Variants in CRADD observed in about 807,000 individuals in gnomAD.
CRADD encodes the protein death domain-containing protein CRADD.
CRADD carries 9 observed loss-of-function variants against 15.5 expected under a neutral mutation model. The ratio of observed to expected loss-of-function variants is 0.58; its 90% CI spans 0.35 to 1.01. The LOEUF (loss-of-function observed/expected upper bound fraction) is 1.01, where lower values mean the gene tolerates loss of function less well. CRADD is among the 50% of genes least tolerant of loss of function. The pLI is 0.02. For synonymous variants in CRADD, 118 were observed against 107.6 expected (o/e 1.10, Z -0.60); for missense variants, 227 against 250.3 (o/e 0.91, Z 0.63).
chr12:93,842,119 A>G (rs915443007), intron 2 of CRADD, among the ~76,000 whole-genome samples: 17 of 95,772 alleles, frequency 1.8e-4, no homozygotes, highest in Middle Eastern at 6.1e-3. Context: ...TGTCTGCTGC[A>G]CCTCTTCTTA....
chr12:93,775,072 A>G (rs1486305691), intron 2 of CRADD, among the ~76,000 whole-genome samples: 1 of 152,242 alleles, frequency 6.6e-6, no homozygotes, highest in African/African-American at 2.4e-5. Context: ...GAGAAAAATG[A>G]AAGAAAGAAA....
exon 3 of CRADD, chr12:93,894,721 C>G (rs1206204914): frequency 6.5e-6 from 1 of 153,098 alleles, no homozygotes; most frequent in African/African-American, 2.4e-5. Context: ...CCCCCGCCAG[C>G]TGCCGGCCCG....
chr12:93,835,952 G>T (rs7953146), intron 2 of CRADD, among the ~76,000 whole-genome samples: 35,862 of 151,954 alleles, frequency 0.24, 5,106 homozygotes, highest in African/African-American at 0.4. Flanking sequence ...TTCCTGTCCT[G>T]TTCACTTTTC....
intron 2 of CRADD, among the ~76,000 whole-genome samples, chr12:93,746,078 A>G (rs372194406): frequency 1.3e-5 from 2 of 152,196 alleles, no homozygotes; most frequent in Admixed American, 6.5e-5. Flanking sequence ...ATAAAATTCT[A>G]TATGGGGCTA....
At chr12:93,821,728 A>G (rs1168148218) in intron 2 of CRADD, among the ~76,000 whole-genome samples, 5 of 152,192 alleles carry the variant, frequency 3.3e-5, no homozygotes, top group Non-Finnish European at 7.3e-5. Flanking sequence ...GAAAATCTGG[A>G]CAGCTTTTGA....
At position 93,742,477 on chromosome 12, in the gene CRADD, C is replaced by T. The variant is rs1343580654; in HGVS notation, c.298+63405C>T. ...TGCGGGCCCCGGCTGCCCAGCCCAG[C>T]GCGGGGAGGCGGCGCCGACTGCCGG... On this transcript the variant is annotated intron_variant, in intron 2 of 2. Coordinates refer to ENST00000332896, the MANE Select transcript of CRADD (RefSeq NM_003805.5). Among the ~76,000 whole-genome samples the T allele has an allele frequency of 3.3e-5, 5 of 151,020 alleles. No homozygotes were observed. In the East Asian group the frequency reaches 7.7e-4, roughly 23 times the overall value.
At chr12:93,739,886 G>A (rs1051648200) in intron 2 of CRADD, among the ~76,000 whole-genome samples, 17 of 152,066 alleles carry the variant, frequency 1.1e-4, no homozygotes, top group Admixed American at 9.8e-4. Flanking sequence ...TTGTAAATAT[G>A]CCTCCCATTT....
chr12:93,840,930 T>C (rs1958039921), intron 2 of CRADD, among the ~76,000 whole-genome samples: 1 of 152,164 alleles, frequency 6.6e-6, no homozygotes, highest in Admixed American at 6.5e-5. Context: ...CTTGTCTTTT[T>C]AAAGAGAATA....
At chr12:93,695,290 C>T (rs553334048) in intron 2 of CRADD, among the ~76,000 whole-genome samples, 82 of 152,228 alleles carry the variant, frequency 5.4e-4, no homozygotes, top group Admixed American at 1.2e-3. Flanking sequence ...TCATCTCACA[C>T]CATGTATAAA....
At chr12:93,856,983 T>A (rs1443247120) in intron 2 of CRADD, among the ~76,000 whole-genome samples, 1 of 152,198 alleles carries the variant, frequency 6.6e-6, no homozygotes, top group East Asian at 1.9e-4. Flanking sequence ...CATTTAGTGT[T>A]CTTACAGGAA....
At chr12:93,806,235 A>C (rs55834012) in intron 2 of CRADD, among the ~76,000 whole-genome samples, 60,587 of 151,518 alleles carry the variant, frequency 0.4, 12,587 homozygotes, top group East Asian at 0.69. Context: ...GGGCGGATCA[A>C]AAGATCAGGA....
intron 2 of CRADD, among the ~76,000 whole-genome samples, chr12:93,715,718 A>C (rs1956149794): frequency 6.6e-6 from 1 of 152,274 alleles, no homozygotes; most frequent in Admixed American, 6.5e-5. Flanking sequence ...TGGTATAAAC[A>C]GATTTTTCCA....
At chr12:93,803,517 G>A (rs574417058) in intron 2 of CRADD, among the ~76,000 whole-genome samples, 3 of 151,932 alleles carry the variant, frequency 2.0e-5, no homozygotes, top group East Asian at 1.9e-4. Context: ...GCCATTCCAC[G>A]TCCACCATTT....
chr12:93,767,943 C>T (rs11107175), intron 2 of CRADD, among the ~76,000 whole-genome samples: 6,903 of 152,262 alleles, frequency 0.045, 398 homozygotes, highest in Admixed American at 0.13. Flanking sequence ...TGGAGTATAT[C>T]TTTCCTTGTT....
At chr12:93,823,077 C>T (rs937648434) in intron 2 of CRADD, among the ~76,000 whole-genome samples, 1 of 152,072 alleles carries the variant, frequency 6.6e-6, no homozygotes, top group African/African-American at 2.4e-5. Context: ...GGAGGATCAC[C>T]AGGTCAGGAG....
intron 2 of CRADD, among the ~76,000 whole-genome samples, chr12:93,858,656 A>G (rs975876479): frequency 2.0e-5 from 3 of 152,208 alleles, no homozygotes; most frequent in Non-Finnish European, 4.4e-5. Context: ...GATAAGCCAT[A>G]GAAACTGTAA....
chr12:93,801,422 G>A (rs973507492), intron 2 of CRADD, among the ~76,000 whole-genome samples: 2 of 151,702 alleles, frequency 1.3e-5, no homozygotes, highest in Admixed American at 6.6e-5. Flanking sequence ...TTTTTGAGAC[G>A]CAGTCTCACT....
rs1957137097 is a variant in CRADD, at chr12:93,776,047, G to A, written c.299-73923G>A. Reference sequence around the variant, plus strand: ...AGTATCTTTTCAGAAATTTTATATGGACATTCAAGCACACACAATATATCC... The same window carrying A: ...AGTATCTTTTCAGAAATTTTATATGAACATTCAAGCACACACAATATATCC... On this transcript the variant is annotated intron_variant, in intron 2 of 2. Coordinates refer to ENST00000332896, the MANE Select transcript of CRADD (RefSeq NM_003805.5). 2.6e-5 allele frequency among the ~76,000 whole-genome samples: 4 copies of A among 152,050 alleles called. No individual in the cohort carries two copies. The South Asian group carries it at 8.3e-4, about 32-fold the overall frequency.
intron 2 of CRADD, among the ~76,000 whole-genome samples, chr12:93,814,904 G>A (rs1365088425): frequency 6.6e-6 from 1 of 152,118 alleles, no homozygotes; most frequent in African/African-American, 2.4e-5. Flanking sequence ...TCAATTTTTT[G>A]TATGATTTTG....
Sources: allele counts gnomAD v4.1 joint callset (sites outside exome capture counted in the v4.1 genomes callset), GRCh38; gene constraint gnomAD v4.1.1; transcripts MANE v1.5; gene names NCBI Gene and HGNC (gene_info 2026-07-23, HGNC 2026-07-21).